UNC5C: variants seen among roughly 807,000 people sequenced by gnomAD.
The protein encoded by UNC5C is netrin receptor UNC5C.
UNC5C carries 47 observed loss-of-function variants against 99.8 expected under a neutral mutation model. That is an observed-to-expected ratio of 0.47 (90% CI 0.37 to 0.60). The LOEUF is 0.60. Among genes scored for constraint, UNC5C ranks in the 20% least tolerant of loss-of-function variants. The pLI, the probability that UNC5C is intolerant of heterozygous loss-of-function variation, is 0.00. For missense variants in UNC5C, 1,062 were observed against 1,165.9 expected, an observed-to-expected ratio of 0.91 and a Z score of 1.30; for synonymous variants, 487 against 452.2, an observed-to-expected ratio of 1.08 and a Z score of -0.98.
intron 1 of UNC5C, among the ~76,000 whole-genome samples, chr4:95,368,618 T>C (rs886961036): frequency 3.3e-5 from 5 of 152,148 alleles, no homozygotes; most frequent in African/African-American, 1.2e-4. Context: ...TTCTTGGCCA[T>C]TACTCTCCAA....
At chr4:95,483,040 A>AATG (rs1246914776) in intron 1 of UNC5C, among the ~76,000 whole-genome samples, 3 of 134,434 alleles carry the variant, frequency 2.2e-5, no homozygotes, top group Non-Finnish European at 4.8e-5. Flanking sequence ...TAATAATAAT[A>AATG]ATAAAAACAC....
chr4:95,341,526 A>G (rs1579340538), intron 1 of UNC5C, among the ~76,000 whole-genome samples: 3 of 151,522 alleles, frequency 2.0e-5, no homozygotes, highest in Admixed American at 2.0e-4. Flanking sequence ...AGAAAGAAAG[A>G]AAAAAAGAAA....
chr4:95,484,452 G>T (rs1178444543), intron 1 of UNC5C, among the ~76,000 whole-genome samples: 2 of 151,774 alleles, frequency 1.3e-5, no homozygotes, highest in Non-Finnish European at 2.9e-5. Flanking sequence ...CAACCACTGT[G>T]TAGATGGGGT....
intron 1 of UNC5C, among the ~76,000 whole-genome samples, chr4:95,340,542 G>A (rs556753688): frequency 6.6e-6 from 1 of 151,950 alleles, no homozygotes. Context: ...AAAGACTATG[G>A]TCTATATTTC....
chr4:95,257,528 A>G (rs72674509), intron 4 of UNC5C, among the ~76,000 whole-genome samples: 11,078 of 152,246 alleles, frequency 0.073, 559 homozygotes, highest in African/African-American at 0.14. Flanking sequence ...GTATGTGGAA[A>G]GGGGGGTGCA....
intron 3 of UNC5C, among the ~76,000 whole-genome samples, chr4:95,296,054 C>G (rs1469671698): frequency 1.3e-5 from 2 of 152,226 alleles, no homozygotes; most frequent in African/African-American, 2.4e-5. Context: ...TGCTATTGCA[C>G]TCCCGTCTGG....
intron 10 of UNC5C, among the ~76,000 whole-genome samples, chr4:95,208,567 T>C (rs1003446216): frequency 1.3e-5 from 2 of 151,890 alleles, no homozygotes; most frequent in Admixed American, 6.6e-5. Context: ...TCCCTAAATC[T>C]GATATGCTTG....
intron 1 of UNC5C, among the ~76,000 whole-genome samples, chr4:95,349,546 T>C (rs1470445721): frequency 6.6e-6 from 1 of 151,354 alleles, no homozygotes; most frequent in East Asian, 2.0e-4. Flanking sequence ...AGATTATCAG[T>C]GATTCCTATT....
chr4:95,536,079 TA>T (rs768716350), intron 1 of UNC5C, among the ~76,000 whole-genome samples: 6,657 of 128,366 alleles, frequency 0.052, 473 homozygotes, highest in African/African-American at 0.18. Context: ...TATATATATA[TA>T]TATTTTTTTT....
intron 1 of UNC5C, among the ~76,000 whole-genome samples, chr4:95,464,292 A>G (rs1032205378): frequency 2.6e-5 from 4 of 152,336 alleles, no homozygotes; most frequent in African/African-American, 4.8e-5. Flanking sequence ...TTGGAACAAG[A>G]GCATCATTGG....
chr4:95,319,695 A>G (rs1742607834), intron 2 of UNC5C, among the ~76,000 whole-genome samples: 1 of 152,202 alleles, frequency 6.6e-6, no homozygotes, highest in Non-Finnish European at 1.5e-5. Context: ...AACATGATCC[A>G]GAGCTATTTA....
intron 1 of UNC5C, among the ~76,000 whole-genome samples, chr4:95,449,844 G>A (rs995847471): frequency 1.3e-5 from 2 of 152,144 alleles, no homozygotes; most frequent in African/African-American, 4.8e-5. Flanking sequence ...TTTATTGTTT[G>A]TATGGGAAAG....
Position 95,274,278 on chromosome 4 carries a change from C to T in UNC5C, c.594+3981G>A, listed in dbSNP as rs536620102. ...GCTAAATTACTGAGTGTCCCTCACC[C>T]GCAGGCCCTGGCTGGCTCCCTGGGA... On this transcript the variant is annotated intron_variant, in intron 4 of 15. Coordinates refer to ENST00000453304, the MANE Select transcript of UNC5C (RefSeq NM_003728.4). 2.3e-4 allele frequency among the ~76,000 whole-genome samples: 35 copies of T among 152,134 alleles called. 1 individual carries two copies. Among genetic ancestry groups the T allele is most frequent in the African/African-American group, 2.9e-4 (12 of 41,504 alleles).
chr4:95,210,828 G>A (rs1413004768), intron 10 of UNC5C, among the ~76,000 whole-genome samples: 1 of 152,126 alleles, frequency 6.6e-6, no homozygotes, highest in African/African-American at 2.4e-5. Flanking sequence ...CATTATCAGT[G>A]AGGAGAACTT....
chr4:95,457,902 T>C (rs1157825906), intron 1 of UNC5C, among the ~76,000 whole-genome samples: 1 of 151,128 alleles, frequency 6.6e-6, no homozygotes, highest in Non-Finnish European at 1.5e-5. Flanking sequence ...GCTAACAACT[T>C]AATTTTAGCC....
chr4:95,448,226 G>GAGAGA, intron 1 of UNC5C, among the ~76,000 whole-genome samples: 1 of 124,964 alleles, frequency 8.0e-6, no homozygotes. Context: ...GTGTGTGTGT[G>GAGAGA]TGAGAGAGAG....
At chr4:95,445,627 G>A (rs746878360) in intron 1 of UNC5C, among the ~76,000 whole-genome samples, 1 of 152,188 alleles carries the variant, frequency 6.6e-6, no homozygotes, top group Non-Finnish European at 1.5e-5. Flanking sequence ...TGTCTAGTAT[G>A]AAGGAAAGCA....
intron 1 of UNC5C, among the ~76,000 whole-genome samples, chr4:95,398,111 G>A (rs572638471): frequency 6.9e-5 from 9 of 131,358 alleles, no homozygotes; most frequent in African/African-American, 2.7e-4. Flanking sequence ...TGCTCCCAAA[G>A]TACAGGAAGA....
intron 1 of UNC5C, among the ~76,000 whole-genome samples, chr4:95,432,842 G>T (rs1243401085): frequency 6.6e-6 from 1 of 151,988 alleles, no homozygotes; most frequent in Admixed American, 6.6e-5. Context: ...TGCTCATAGT[G>T]GGTAGCAACT....
Sources: allele counts gnomAD v4.1 joint callset (sites outside exome capture counted in the v4.1 genomes callset), GRCh38; gene constraint gnomAD v4.1.1; transcripts MANE v1.5; gene names NCBI Gene and HGNC (gene_info 2026-07-23, HGNC 2026-07-21).